CHD6: variants seen among roughly 807,000 people sequenced by gnomAD.
The protein encoded by CHD6 is ATP-dependent chromatin remodeler CHD6.
CHD6 carries 50 observed loss-of-function variants against 276.9 expected under a neutral mutation model. The ratio of observed to expected loss-of-function variants is 0.18; its 90% confidence interval spans 0.14 to 0.23. CHD6 has a LOEUF of 0.23. Among genes scored for constraint, CHD6 ranks in the 10% least tolerant of loss-of-function variants. The pLI, the probability that CHD6 is intolerant of heterozygous loss-of-function variation, is 1.00. For synonymous variants in CHD6, 1,173 were observed against 1,229.3 expected (o/e 0.95, Z 0.96); for missense variants, 2,564 against 3,365.8 (o/e 0.76, Z 5.89).
chr20:41,534,588 G>C (rs1402609096), intron 2 of CHD6, among the ~76,000 whole-genome samples: 1 of 151,334 alleles, frequency 6.6e-6, no homozygotes, highest in East Asian at 1.9e-4. Flanking sequence ...GGGGGGGCGG[G>C]GGGCAGATCT....
intron 27 of CHD6, among the ~76,000 whole-genome samples, chr20:41,430,276 C>T (rs2047494946): frequency 6.6e-6 from 1 of 152,222 alleles, no homozygotes; most frequent in Admixed American, 6.5e-5. Flanking sequence ...ATATGAAGAG[C>T]AAATCATAAA....
At chr20:41,504,077 C>CAAAAAAAAAAAAAAAAAAAAAAAAAA (rs1189323419) in intron 5 of CHD6, among the ~76,000 whole-genome samples, 14 of 27,094 alleles carry the variant, frequency 5.2e-4, no homozygotes, top group East Asian at 1.5e-3. Context: ...GACTCTGTCT[C>CAAAAAAAAAAAAAAAAAAAAAAAAAA]AAAAAAAAAA....
At chr20:41,608,830 A>T (rs2045856129) in intron 1 of CHD6, among the ~76,000 whole-genome samples, 1 of 152,226 alleles carries the variant, frequency 6.6e-6, no homozygotes, top group Non-Finnish European at 1.5e-5. Flanking sequence ...AACCACACTC[A>T]TAAGGGCAAC....
chr20:41,567,305 C>T (rs1381484802), intron 1 of CHD6, among the ~76,000 whole-genome samples: 2 of 152,122 alleles, frequency 1.3e-5, no homozygotes, highest in Non-Finnish European at 2.9e-5. Context: ...TACAGCTCTT[C>T]GGTCACTGTG....
rs1441929288 is a variant in CHD6 at position 41,403,864 on chromosome 20, G to C, written c.*729C>G. ...CCGTCGACAGCAATAACTCATGGTG[G>C]GTAAAGCTTTCTCGCAGCAAGAGGA... On this transcript the variant is annotated 3_prime_UTR_variant, in exon 37 of 37. Transcript: ENST00000373233. 5 of 1,057,216 alleles carry C rather than the reference G, an allele frequency of 4.7e-6. No individual in the cohort carries two copies. The highest frequency in any genetic ancestry group is 5.7e-6 in the Non-Finnish European group (5 of 874,288). 65.5% of individuals were successfully genotyped at this position (1,057,216 alleles called of 1,614,324 possible).
rs181799409 is a variant in CHD6, at chr20:41,560,854, C to T, written c.-23-9494G>A. The stretch of plus-strand genomic sequence containing the variant: ...TAAAACAAATAAAAAAAAAAACAGT[C>T]CCCGATTCTACTCCCCACTCCTGAT... On this transcript the variant is annotated intron_variant, in intron 1 of 36. Coordinates refer to ENST00000373233, the MANE Select transcript of CHD6 (RefSeq NM_032221.5). 3.8e-4 allele frequency among the ~76,000 whole-genome samples: 57 copies of T among 151,804 alleles called. No homozygotes were observed. In the East Asian group the frequency reaches 0.01, roughly 28 times the overall value.
At chr20:41,428,472 T>A (rs1450044917) in intron 27 of CHD6, among the ~76,000 whole-genome samples, 1 of 152,098 alleles carries the variant, frequency 6.6e-6, no homozygotes, top group Non-Finnish European at 1.5e-5. Context: ...GTATGAATCA[T>A]CTCACAGAGA....
intron 1 of CHD6, among the ~76,000 whole-genome samples, chr20:41,606,374 C>T (rs534624379): frequency 7.2e-5 from 11 of 152,178 alleles, no homozygotes; most frequent in African/African-American, 2.2e-4. Context: ...ATTAGCCAGG[C>T]GTGGTGGCGG....
chr20:41,592,169 A>G (rs1304315179), intron 1 of CHD6, among the ~76,000 whole-genome samples: 1 of 152,206 alleles, frequency 6.6e-6, no homozygotes, highest in Non-Finnish European at 1.5e-5. Context: ...CCAATATCCA[A>G]AGCTTTTGAG....
At chr20:41,583,520 GT>G (rs1235790410) in intron 1 of CHD6, among the ~76,000 whole-genome samples, 3 of 152,130 alleles carry the variant, frequency 2.0e-5, no homozygotes, top group Non-Finnish European at 2.9e-5. Context: ...ACAAGAAATG[GT>G]AAACGAAGTT....
rs367761164 is a variant in CHD6 at position 41,533,386 on chromosome 20, G to C, written c.218C>G (p.Pro73Arg). 1.4e-5 allele frequency: 22 copies of C among 1,613,776 alleles called. No homozygotes were observed. In the African/African-American group the frequency reaches 2.0e-4, roughly 15 times the overall value. Residue 73 changes from proline (P) to arginine (R), a missense_variant, in exon 3 of 37, where the codon CCT (proline) becomes CGT (arginine). Physicochemically the swap from Pro to Arg is moderately radical, Grantham distance 103. Around this residue, in one of 7 missense-constraint regions of CHD6, gnomAD observed 286 missense variants for 297.8 expected, o/e 0.96. Transcript: ENST00000373233. ...CCCATTATGGGATGTCATTTTCCTA[G>C]GAAAAAGGGTAGCAGCTTCCTCTTC... Reference protein sequence around the residue: ...TAEEEAATLFPRKMTSHNGME... With the variant: ...TAEEEAATLFRRKMTSHNGME...
intron 26 of CHD6, among the ~76,000 whole-genome samples, chr20:41,438,028 G>T (rs1319102903): frequency 1.3e-5 from 2 of 152,150 alleles, no homozygotes; most frequent in South Asian, 2.1e-4. Flanking sequence ...TCTGATAAAA[G>T]AACACACTCT....
intron 1 of CHD6, among the ~76,000 whole-genome samples, chr20:41,584,660 G>T (rs983688209): frequency 1.3e-5 from 2 of 152,016 alleles, no homozygotes; most frequent in African/African-American, 4.8e-5. Context: ...TTAACAGAAA[G>T]ATATCAGGAA....
chr20:41,612,877 A>G (rs1243426465), intron 1 of CHD6, among the ~76,000 whole-genome samples: 1 of 152,082 alleles, frequency 6.6e-6, no homozygotes, highest in Non-Finnish European at 1.5e-5. Flanking sequence ...AAATAAACTG[A>G]TTTTTCTTCT....
At chr20:41,422,121 TC>T in intron 30 of CHD6, 42 bp from the exon 31 acceptor site, 3 of 1,556,078 alleles carry the variant, frequency 1.9e-6, no homozygotes, top group Non-Finnish European at 2.6e-6. Flanking sequence ...GAAGGTGACC[TC>T]AGACACTCCC....
rs574347177 is a variant in CHD6 at position 41,579,437 on chromosome 20, C to CAAAAAAAAAAAAA, written c.-23-28090_-23-28078dup. Among the ~76,000 whole-genome samples, 295 of 69,640 alleles carry CAAAAAAAAAAAAA rather than the reference C, an allele frequency of 4.2e-3. 6 individuals carry two copies. Among genetic ancestry groups the CAAAAAAAAAAAAA allele is most frequent in the Middle Eastern group, 7.4e-3 (1 of 136 alleles). 45.7% of individuals were successfully genotyped at this position (69,640 alleles called of 152,430 possible). A position where few individuals can be genotyped will look rare whatever the true frequency, so the allele number is the denominator to read the frequency against. On this transcript the variant is annotated intron_variant, in intron 1 of 36. Transcript: ENST00000373233. ...TGGGCGACAGAGTGAGACTCTGTCT[C>CAAAAAAAAAAAAA]AAAAAAAAAAAAAAAAAATCTTAAA...
At chr20:41,524,353 T>C (rs2044476252) in intron 3 of CHD6, among the ~76,000 whole-genome samples, 2 of 152,326 alleles carry the variant, frequency 1.3e-5, no homozygotes, top group African/African-American at 4.8e-5. Context: ...AGATAAACTG[T>C]GAACTAAATC....
At chr20:41,604,710 TAAG>T (rs892459746) in intron 1 of CHD6, among the ~76,000 whole-genome samples, 2 of 152,158 alleles carry the variant, frequency 1.3e-5, no homozygotes, top group African/African-American at 2.4e-5. Context: ...CCATCTTCTC[TAAG>T]AAGACCAATT....
intron 16 of CHD6, among the ~76,000 whole-genome samples, chr20:41,474,105 G>A (rs2043118962): frequency 6.6e-6 from 1 of 152,150 alleles, no homozygotes; most frequent in Non-Finnish European, 1.5e-5. Context: ...AAGGTCTTCT[G>A]GACAGTAGTA....
Sources: allele counts gnomAD v4.1 joint callset (sites outside exome capture counted in the v4.1 genomes callset), GRCh38; gene constraint gnomAD v4.1.1; regional missense constraint gnomAD v4.1.1; transcripts MANE v1.5; gene names NCBI Gene and HGNC (gene_info 2026-07-23, HGNC 2026-07-21).